SPATS2: variants seen among roughly 807,000 people sequenced by gnomAD.
SPATS2 encodes the protein spermatogenesis-associated serine-rich protein 2.
Under a neutral mutation model 63.7 loss-of-function variants are expected in SPATS2, and 38 were observed. The observed-to-expected ratio is 0.60, with a 90% CI of 0.46 to 0.78. The LOEUF (loss-of-function observed/expected upper bound fraction) is 0.78, where lower values mean the gene tolerates loss of function less well. Among genes scored for constraint, SPATS2 ranks in the 30% least tolerant of loss-of-function variants. SPATS2 has a pLI of 0.00. For missense variants in SPATS2, 588 were observed against 666.2 expected, an observed-to-expected ratio of 0.88 and a Z score of 1.29; for synonymous variants, 207 against 232.9, an observed-to-expected ratio of 0.89 and a Z score of 1.01.
chr12:49,386,716 G>T (rs1944324139), intron 2 of SPATS2, among the ~76,000 whole-genome samples: 1 of 152,154 alleles, frequency 6.6e-6, no homozygotes, highest in South Asian at 2.1e-4. Context: ...TGAAAAGATG[G>T]GAGAAGCAAT....
In SPATS2 at chr12:49,454,647, C is replaced by G. The variant is rs181856602; in HGVS notation, c.-243-6123C>G. Among the ~76,000 whole-genome samples, 416 of 152,242 alleles carry G rather than the reference C, an allele frequency of 2.7e-3. 7 individuals carry two copies. Among genetic ancestry groups the G allele is most frequent in the Admixed American group, 0.026 (399 of 15,294 alleles). ...CCTGTCATCCCAGCACTTTGGGAGG[C>G]TGAGGCAGGAGGATTGCTTCGGCCT... is the stretch of plus-strand genomic sequence containing the variant. On this transcript the variant is annotated intron_variant, in intron 2 of 13. Coordinates refer to ENST00000552918, the MANE Select transcript of SPATS2 (RefSeq NM_023071.4).
intron 2 of SPATS2, among the ~76,000 whole-genome samples, chr12:49,432,041 T>G (rs1379778530): frequency 6.6e-6 from 1 of 152,186 alleles, no homozygotes; most frequent in Non-Finnish European, 1.5e-5. Flanking sequence ...CATTTTTAAT[T>G]TTGACAGCTA....
At chr12:49,418,380 A>G (rs1042115360) in intron 2 of SPATS2, among the ~76,000 whole-genome samples, 27 of 152,010 alleles carry the variant, frequency 1.8e-4, no homozygotes, top group East Asian at 3.9e-4. Context: ...GCTGACTGCA[A>G]TCGCCACCTC....
chr12:49,382,389 TTC>T (rs1367150634), intron 2 of SPATS2, among the ~76,000 whole-genome samples: 1 of 152,246 alleles, frequency 6.6e-6, no homozygotes, highest in African/African-American at 2.4e-5. Flanking sequence ...GGATAGCACT[TTC>T]TCTTTTTTAT....
chr12:49,435,638 CTTTT>C lies in SPATS2; in HGVS notation c.-243-25109_-243-25106del, dbSNP rs34420984. 8.2e-4 allele frequency among the ~76,000 whole-genome samples: 79 copies of C among 96,056 alleles called. No homozygotes were observed. In the South Asian group the frequency reaches 0.02, roughly 25 times the overall value. The allele number at this position is 96,056 out of a possible 152,430, so 63.0% of individuals were successfully genotyped here. Reference sequence around the variant, plus strand: ...ACCGTGCCCGGCTACTGAATGGTTTCTTTTTTTTTTTTTTTTTTTTTTTTTTAAT... The same window carrying C: ...ACCGTGCCCGGCTACTGAATGGTTTCTTTTTTTTTTTTTTTTTTTTTTAAT... On this transcript the variant is annotated intron_variant, in intron 2 of 13. Transcript: ENST00000552918.
intron 2 of SPATS2, among the ~76,000 whole-genome samples, chr12:49,410,433 C>T (rs530501425): frequency 6.6e-6 from 1 of 152,168 alleles, no homozygotes; most frequent in South Asian, 2.1e-4. Flanking sequence ...TTGAATATAC[C>T]CTAGCCACTT....
At chr12:49,456,159 G>C (rs529819568) in intron 2 of SPATS2, among the ~76,000 whole-genome samples, 1 of 152,288 alleles carries the variant, frequency 6.6e-6, no homozygotes, top group African/African-American at 2.4e-5. Context: ...CCCTGCCTTG[G>C]TAGAACTACC....
At position 49,415,009 on chromosome 12, in the gene SPATS2, G is replaced by A. The variant is rs531785209; in HGVS notation, c.-244+43719G>A. Among the ~76,000 whole-genome samples, 4 of 147,180 alleles carry A rather than the reference G, an allele frequency of 2.7e-5. No homozygotes were observed. In the East Asian group the frequency reaches 5.9e-4, roughly 22 times the overall value. The stretch of plus-strand genomic sequence containing the variant: ...GGCTGGAGTGCAGTGGCGGGATCTC[G>A]GCTCACTGCAACCTCTGCCTCCCGC... On this transcript the variant is annotated intron_variant, in intron 2 of 13. Transcript: ENST00000552918.
intron 2 of SPATS2, among the ~76,000 whole-genome samples, chr12:49,382,902 ACCATGTTGG>A (rs1944246878): frequency 6.6e-6 from 1 of 151,618 alleles, no homozygotes; most frequent in African/African-American, 2.4e-5. Flanking sequence ...ATGGAGTTTC[ACCATGTTGG>A]CCAGGCTGGT....
chr12:49,464,287 T>C (rs1945870875), intron 3 of SPATS2, among the ~76,000 whole-genome samples: 1 of 151,958 alleles, frequency 6.6e-6, no homozygotes. Context: ...GAGAATGGCT[T>C]GAAGCCAGGA....
chr12:49,480,067 T>C (rs1425032224), intron 3 of SPATS2, among the ~76,000 whole-genome samples: 1 of 152,256 alleles, frequency 6.6e-6, no homozygotes, highest in Non-Finnish European at 1.5e-5. Flanking sequence ...TTTGCCATTA[T>C]GTTAACAAAA....
At chr12:49,485,550 C>T (rs1946277204) in intron 4 of SPATS2, among the ~76,000 whole-genome samples, 1 of 151,698 alleles carries the variant, frequency 6.6e-6, no homozygotes, top group Non-Finnish European at 1.5e-5. Flanking sequence ...GTAGTGGAGA[C>T]AGGGTTTCTC....
chr12:49,427,983 C>T (rs1232430881), intron 2 of SPATS2, among the ~76,000 whole-genome samples: 3 of 151,858 alleles, frequency 2.0e-5, no homozygotes, highest in Middle Eastern at 3.4e-3. Flanking sequence ...AGGCCGGGCG[C>T]GGTGGCTCAT....
intron 9 of SPATS2, among the ~76,000 whole-genome samples, chr12:49,510,834 TG>T (rs1464723825): frequency 5.3e-5 from 8 of 152,196 alleles, no homozygotes; most frequent in African/African-American, 1.4e-4. Context: ...TTAGAGGACT[TG>T]CTTCAAATGA....
chr12:49,489,701 C>A, intron 5 of SPATS2, 128 bp downstream of exon 5: 1 of 691,258 alleles, frequency 1.4e-6, no homozygotes, highest in Non-Finnish European at 2.4e-6. Flanking sequence ...ACATAACATA[C>A]CATGACATTT....
At chr12:49,394,221 G>A (rs1015364792) in intron 2 of SPATS2, among the ~76,000 whole-genome samples, 8 of 151,680 alleles carry the variant, frequency 5.3e-5, no homozygotes, top group Non-Finnish European at 8.8e-5. Context: ...ACCTGCAGTC[G>A]CGGCTACTTG....
chr12:49,492,854 G>A (rs533195077), intron 6 of SPATS2, among the ~76,000 whole-genome samples: 1 of 152,086 alleles, frequency 6.6e-6, no homozygotes, highest in Non-Finnish European at 1.5e-5. Flanking sequence ...CCAGCATTTT[G>A]GGAGGTCGAG....
intron 2 of SPATS2, among the ~76,000 whole-genome samples, chr12:49,460,373 G>C (rs1167514499): frequency 6.6e-6 from 1 of 152,166 alleles, no homozygotes; most frequent in Non-Finnish European, 1.5e-5. Flanking sequence ...AGAATCACTT[G>C]AACCCGGGAG....
chr12:49,506,924 T>C (rs576371621), intron 9 of SPATS2, among the ~76,000 whole-genome samples: 1 of 152,142 alleles, frequency 6.6e-6, no homozygotes, highest in African/African-American at 2.4e-5. Flanking sequence ...TTGTTTCCTC[T>C]TCAGCTTAAA....
Sources: gnomAD v4.1 joint callset for allele counts (sites outside exome capture counted in the v4.1 genomes callset) on GRCh38, gnomAD v4.1.1 for gene constraint, MANE v1.5 for transcripts, NCBI Gene and HGNC (gene_info 2026-07-23, HGNC 2026-07-21) for gene names.